The following XPA variants were observed in gnomAD, a reference collection of about 807,000 sequenced individuals.
The protein encoded by XPA is DNA repair protein complementing XP-A cells.
In XPA, 27 loss-of-function variants were observed where a neutral mutation model predicts 35.7. The observed-to-expected ratio is 0.76, with a 90% CI of 0.56 to 1.04. XPA has a LOEUF of 1.04. Among genes scored for constraint, XPA ranks in the 50% least tolerant of loss-of-function variants. The pLI, the probability that XPA is intolerant of heterozygous loss-of-function variation, is 0.00. For missense variants in XPA, 354 were observed against 342.7 expected (o/e 1.03, Z -0.26); for synonymous variants, 133 against 118.4 (o/e 1.12, Z -0.80).
chr9:97,688,748 T>A (rs1828794326), intron 3 of XPA, among the ~76,000 whole-genome samples: 1 of 152,194 alleles, frequency 6.6e-6, no homozygotes, highest in African/African-American at 2.4e-5. Context: ...CCTCTCTATC[T>A]ACCAAGGATT....
the XPA span, chr9:97,664,528 C>A: frequency 4.5e-6 from 4 of 898,864 alleles, 1 homozygote; most frequent in East Asian, 2.6e-5. Flanking sequence ...AAATTCTGGT[C>A]CAAACCAGGT....
At position 97,692,246 on chromosome 9, in the gene XPA, GCAC is replaced by G. The variant is rs35399171; in HGVS notation, c.283+1400_283+1402del. Among the ~76,000 whole-genome samples the G allele has an allele frequency of 2.2e-3, 338 of 151,748 alleles. 3 individuals are homozygous for G. The highest frequency in any genetic ancestry group is 4.4e-3 in the Non-Finnish European group (296 of 67,940). On this transcript the variant is annotated intron_variant, in intron 2 of 5. Coordinates refer to ENST00000375128, the MANE Select transcript of XPA (RefSeq NM_000380.4). ...GCAGAGGTTGCGGTGAGCTGAGATC[GCAC>G]CATTACACTCCAGCCTGGGCAACGA...
At chr9:97,654,471 A>G in the XPA span, among the ~76,000 whole-genome samples, 1 of 152,134 alleles carries the variant, frequency 6.6e-6, no homozygotes, top group African/African-American at 2.4e-5. Flanking sequence ...AAAAATTACC[A>G]GTATGTGACA....
At chr9:97,677,375 CTT>C (rs1231166004) in intron 5 of XPA, among the ~76,000 whole-genome samples, 1 of 152,034 alleles carries the variant, frequency 6.6e-6, no homozygotes, top group Non-Finnish European at 1.5e-5. Flanking sequence ...CCTAGAAAAA[CTT>C]GTGCCAGAAA....
chr9:97,654,935 G>A, the XPA span: 2 of 1,603,084 alleles, frequency 1.2e-6, no homozygotes, highest in Non-Finnish European at 1.7e-6. Flanking sequence ...AACACTACCT[G>A]TGTAGACAGG....
downstream of XPA, chr9:97,671,261 T>G: frequency 8.1e-7 from 1 of 1,233,368 alleles, no homozygotes. Flanking sequence ...GTCTTATTTT[T>G]TGATGGTTTG....
chr9:97,694,778 G>C (rs3176645), intron 1 of XPA, among the ~76,000 whole-genome samples: 1 of 152,134 alleles, frequency 6.6e-6, no homozygotes. Context: ...AAGTGAGTGT[G>C]TATGTCCACT....
the XPA span, among the ~76,000 whole-genome samples, chr9:97,667,733 C>T: frequency 6.6e-6 from 1 of 152,210 alleles, no homozygotes; most frequent in Non-Finnish European, 1.5e-5. Context: ...ACTAGCTGCA[C>T]GTGACTATTT....
chr9:97,664,101 C>T, the XPA span, among the ~76,000 whole-genome samples: 15 of 151,922 alleles, frequency 9.9e-5, no homozygotes, highest in Admixed American at 5.9e-4. Flanking sequence ...ATTGCTTGAA[C>T]CTAGGAGGTG....
chr9:97,674,607 A>G (rs965393867), downstream of XPA, among the ~76,000 whole-genome samples: 38 of 152,154 alleles, frequency 2.5e-4, no homozygotes, highest in African/African-American at 8.9e-4. Context: ...AAGTTGATGC[A>G]GATGCCTGCG....
chr9:97,671,474 G>A (rs2131374149), downstream of XPA: 3 of 323,702 alleles, frequency 9.3e-6, 1 homozygote, highest in East Asian at 1.4e-4. Flanking sequence ...TTCTCCTTAA[G>A]GCACAAAATA....
chr9:97,684,494 A>T (rs940137041), intron 5 of XPA, among the ~76,000 whole-genome samples: 1 of 152,180 alleles, frequency 6.6e-6, no homozygotes, highest in African/African-American at 2.4e-5. Context: ...GTCATATATA[A>T]AATAAAAGTT....
chr9:97,682,532 G>C, intron 5 of XPA: 1 of 484,766 alleles, frequency 2.1e-6, no homozygotes, highest in South Asian at 1.5e-5. Context: ...CAGAACTTAG[G>C]TATTCATATG....
At chr9:97,655,879 A>G in the XPA span, 1 of 1,314,712 alleles carries the variant, frequency 7.6e-7, no homozygotes, top group Non-Finnish European at 1.1e-6. Context: ...GTAGTTAAGT[A>G]CAAATAGTTA....
chr9:97,666,537 G>A, the XPA span, among the ~76,000 whole-genome samples: 17,952 of 152,150 alleles, frequency 0.12, 3,005 homozygotes, highest in African/African-American at 0.37. Context: ...ACTACACAGT[G>A]CTGCCCTCAG....
the XPA span, among the ~76,000 whole-genome samples, chr9:97,661,732 GTT>G: frequency 0.089 from 10,043 of 112,942 alleles, 901 homozygotes; most frequent in African/African-American, 0.25. Context: ...AAGCTTAAGT[GTT>G]TTTTTTTTTT....
the XPA span, among the ~76,000 whole-genome samples, chr9:97,662,681 T>G: frequency 6.6e-6 from 1 of 152,200 alleles, no homozygotes; most frequent in Non-Finnish European, 1.5e-5. Context: ...TATTTCACCA[T>G]GTTTGAAGAC....
the XPA span, chr9:97,664,512 A>T: frequency 9.4e-7 from 1 of 1,061,362 alleles, no homozygotes; most frequent in South Asian, 1.5e-5. Flanking sequence ...CTTATACATA[A>T]GCTTCAAATT....
chr9:97,673,161 C>CA (rs1828246556), downstream of XPA: 1 of 152,068 alleles, frequency 6.6e-6, no homozygotes, highest in African/African-American at 2.4e-5. Context: ...ATATAACATA[C>CA]AAAATGAGTT....
Sources: gnomAD v4.1 joint callset for allele counts (sites outside exome capture counted in the v4.1 genomes callset) on GRCh38, gnomAD v4.1.1 for gene constraint, MANE v1.5 for transcripts, NCBI Gene and HGNC (gene_info 2026-07-23, HGNC 2026-07-21) for gene names.